GNA14: variants seen among roughly 807,000 people sequenced by gnomAD.
The protein encoded by GNA14 is G protein subunit alpha 14.
GNA14 carries 50 observed loss-of-function variants against 42.0 expected under a neutral mutation model. The observed-to-expected ratio is 1.19, with a 90% confidence interval of 0.95 to 1.51. GNA14 has a LOEUF of 1.51. GNA14 is among the 40% of genes most tolerant of loss of function. The pLI, the probability that GNA14 is intolerant of heterozygous loss-of-function variation, is 0.00. For missense variants in GNA14, 473 were observed against 446.2 expected (o/e 1.06, Z -0.54); for synonymous variants, 173 against 163.1 (o/e 1.06, Z -0.46).
At chr9:77,488,307 T>C (rs906131525) in intron 2 of GNA14, among the ~76,000 whole-genome samples, 4 of 152,172 alleles carry the variant, frequency 2.6e-5, no homozygotes, top group African/African-American at 9.7e-5. Flanking sequence ...GTTTCTACAC[T>C]GGAAAGAGTA....
intron 1 of GNA14, among the ~76,000 whole-genome samples, chr9:77,608,829 C>T (rs1439333434): frequency 6.9e-6 from 1 of 145,782 alleles, no homozygotes; most frequent in Non-Finnish European, 1.5e-5. Context: ...TTCTTTCAGT[C>T]ACTCCTGTTT....
rs371565073 is a variant in GNA14 at position 77,495,462 on chromosome 9, AC to A, written c.309+33606del. On this transcript the variant is annotated intron_variant, in intron 2 of 6. Transcript: ENST00000341700. Reference sequence around the variant, plus strand: ...AGAATGTCGCCTGGATCCCTGAGTGACCATTTGGTGGAAAGCTGCCAGACCA... The same window carrying A: ...AGAATGTCGCCTGGATCCCTGAGTGACATTTGGTGGAAAGCTGCCAGACCA... Among the ~76,000 whole-genome samples, 497 of 152,256 alleles carry A rather than the reference AC, an allele frequency of 3.3e-3. 2 individuals carry two copies. Among genetic ancestry groups the A allele is most frequent in the African/African-American group, 0.012 (486 of 41,548 alleles).
intron 2 of GNA14, among the ~76,000 whole-genome samples, chr9:77,513,732 G>T (rs1263059078): frequency 6.6e-6 from 1 of 152,172 alleles, no homozygotes; most frequent in Non-Finnish European, 1.5e-5. Flanking sequence ...AACACATGAT[G>T]ACCTTATAGC....
chr9:77,440,047 A>G (rs1835705786), intron 2 of GNA14, among the ~76,000 whole-genome samples: 1 of 152,234 alleles, frequency 6.6e-6, no homozygotes, highest in Non-Finnish European at 1.5e-5. Flanking sequence ...TGAAAAAAAT[A>G]TCACTCTCAA....
chr9:77,448,349 C>G (rs181856298), intron 2 of GNA14, among the ~76,000 whole-genome samples: 1 of 152,128 alleles, frequency 6.6e-6, no homozygotes, highest in Admixed American at 6.5e-5. Flanking sequence ...TTTTGAGTAT[C>G]GAATCATTCT....
At chr9:77,529,585 G>A (rs1051496638) in intron 1 of GNA14, among the ~76,000 whole-genome samples, 13 of 152,204 alleles carry the variant, frequency 8.5e-5, no homozygotes, top group African/African-American at 3.1e-4. Context: ...CTGCGTCAGG[G>A]TGCAGGGAGG....
chr9:77,468,772 A>G (rs1277977121), intron 2 of GNA14, among the ~76,000 whole-genome samples: 1 of 152,208 alleles, frequency 6.6e-6, no homozygotes, highest in African/African-American at 2.4e-5. Flanking sequence ...CATCTTTGTT[A>G]TCCCAGGTCC....
intron 2 of GNA14, among the ~76,000 whole-genome samples, chr9:77,474,633 T>C (rs1401619317): frequency 6.6e-6 from 1 of 152,170 alleles, no homozygotes. Flanking sequence ...GGCCCAGCAG[T>C]TCCACTCCTA....
chr9:77,431,540 G>T, intron 3 of GNA14, 91 bp from the exon 4 acceptor site: 1 of 1,172,386 alleles, frequency 8.5e-7, no homozygotes, highest in Non-Finnish European at 1.2e-6. Flanking sequence ...CACTCACAGT[G>T]AGCCCCACAC....
At chr9:77,500,194 T>C (rs911564898) in intron 2 of GNA14, among the ~76,000 whole-genome samples, 1 of 152,040 alleles carries the variant, frequency 6.6e-6, no homozygotes, top group Non-Finnish European at 1.5e-5. Context: ...GGCTACTTTT[T>C]TTCAGTAGAG....
At chr9:77,482,355 C>G (rs948803417) in intron 2 of GNA14, among the ~76,000 whole-genome samples, 5 of 152,146 alleles carry the variant, frequency 3.3e-5, no homozygotes, top group Non-Finnish European at 7.4e-5. Flanking sequence ...GTTGAAAATT[C>G]TTTTCTTTAA....
chr9:77,546,077 C>T (rs889877009), intron 1 of GNA14, among the ~76,000 whole-genome samples: 1 of 151,790 alleles, frequency 6.6e-6, no homozygotes, highest in African/African-American at 2.4e-5. Flanking sequence ...AATAGCCGGG[C>T]GTGGTGGCGG....
At chr9:77,459,771 C>T (rs535016624) in intron 2 of GNA14, among the ~76,000 whole-genome samples, 113 of 152,300 alleles carry the variant, frequency 7.4e-4, no homozygotes, top group African/African-American at 2.6e-3. Context: ...CCTTATTTGA[C>T]CCCAGACTCC....
intron 1 of GNA14, among the ~76,000 whole-genome samples, chr9:77,607,709 A>C (rs1400873220): frequency 6.6e-6 from 1 of 152,180 alleles, no homozygotes; most frequent in Non-Finnish European, 1.5e-5. Context: ...TCTGAAGGCT[A>C]GTAAGTCCAA....
chr9:77,424,436 T>G (rs548239907), intron 6 of GNA14, among the ~76,000 whole-genome samples: 74 of 152,206 alleles, frequency 4.9e-4, no homozygotes, highest in Non-Finnish European at 3.8e-4. Flanking sequence ...TTGGCCAGAC[T>G]GGTCTCGAAC....
At chr9:77,486,420 T>C (rs561226191) in intron 2 of GNA14, among the ~76,000 whole-genome samples, 1 of 152,358 alleles carries the variant, frequency 6.6e-6, no homozygotes, top group South Asian at 2.1e-4. Flanking sequence ...ACTTTCTCCA[T>C]ATCAGCAATA....
At position 77,647,670 on chromosome 9, in the gene GNA14, C is replaced by CCAG. The variant is rs756079982; in HGVS notation, c.121_123dup (p.Leu41dup). On this transcript the variant is annotated inframe_insertion and splice_region_variant, in exon 1 of 7. Coordinates refer to ENST00000341700, the MANE Select transcript of GNA14 (RefSeq NM_004297.4). ...TGGAGTCGGAGACGCAGCCACTCACCCAGCAGCAGCAGCTTAAGCTCACGG... is the reference window on the plus strand; with the variant it reads ...TGGAGTCGGAGACGCAGCCACTCACCCAGCAGCAGCAGCAGCTTAAGCTCACGG... The CCAG allele has an allele frequency of 5.0e-6, 8 of 1,609,040 alleles. No homozygotes were observed. Among genetic ancestry groups the CCAG allele is most frequent in the African/African-American group, 4.0e-5 (3 of 74,900 alleles).
rs996802203 is a variant in GNA14 at position 77,438,284 on chromosome 9, A to G, written c.310-3762T>C. ...TACCTGTTAAGATTTTTTTTTTTTTAAAGACATAGTTTCACTCTGTCTCCC... is the reference window on the plus strand; with the variant it reads ...TACCTGTTAAGATTTTTTTTTTTTTGAAGACATAGTTTCACTCTGTCTCCC... On this transcript the variant is annotated intron_variant, in intron 2 of 6. Coordinates refer to ENST00000341700, the MANE Select transcript of GNA14 (RefSeq NM_004297.4). Among the ~76,000 whole-genome samples, 5 of 150,614 alleles carry G rather than the reference A, an allele frequency of 3.3e-5. No homozygotes were observed. In the East Asian group the frequency reaches 7.8e-4, roughly 23 times the overall value.
chr9:77,459,449 G>C (rs988683361), intron 2 of GNA14, among the ~76,000 whole-genome samples: 2 of 151,934 alleles, frequency 1.3e-5, no homozygotes, highest in African/African-American at 4.8e-5. Context: ...CTCGCCTCCT[G>C]TCTGCTTCCA....
Sources: allele counts gnomAD v4.1 joint callset (sites outside exome capture counted in the v4.1 genomes callset), GRCh38; gene constraint gnomAD v4.1.1; transcripts MANE v1.5; gene names NCBI Gene and HGNC (gene_info 2026-07-23, HGNC 2026-07-21).